MELK: variants seen among roughly 807,000 people sequenced by gnomAD.
The protein encoded by MELK is pEg3 kinase.
Under a neutral mutation model 85.0 loss-of-function variants are expected in MELK, and 81 were observed. The ratio of observed to expected loss-of-function variants is 0.95; its 90% CI spans 0.80 to 1.15. MELK has a LOEUF of 1.15. Ranked by LOEUF, MELK falls within the 50% of genes most tolerant of loss-of-function variation. MELK has a pLI of 0.00. For synonymous variants in MELK, 252 were observed against 265.0 expected (o/e 0.95, Z 0.48); for missense variants, 754 against 777.5 (o/e 0.97, Z 0.36).
intron 8 of MELK, among the ~76,000 whole-genome samples, chr9:36,629,265 G>A (rs901349246): frequency 6.6e-6 from 1 of 152,156 alleles, no homozygotes; most frequent in Non-Finnish European, 1.5e-5. Context: ...TGTTATCTTA[G>A]CATCATTAAA....
chr9:36,630,072 T>C (rs1008010694), intron 8 of MELK: 6 of 457,044 alleles, frequency 1.3e-5, no homozygotes, highest in Non-Finnish European at 2.3e-5. Flanking sequence ...CTTGAACTCC[T>C]GATCTCAGGT....
intron 13 of MELK, among the ~76,000 whole-genome samples, chr9:36,661,013 T>TA (rs1035958351): frequency 2.7e-4 from 41 of 151,842 alleles, no homozygotes; most frequent in African/African-American, 8.7e-4. Flanking sequence ...AAACAAAGAA[T>TA]AAAAAAAGAC....
chr9:36,640,328 T>C (rs1411749093), intron 10 of MELK, among the ~76,000 whole-genome samples: 1 of 152,182 alleles, frequency 6.6e-6, no homozygotes, highest in Admixed American at 6.5e-5. Flanking sequence ...AGATTTGGTG[T>C]TTGATGAGGG....
chr9:36,590,826 A>T (rs1471622969), intron 4 of MELK, among the ~76,000 whole-genome samples: 2 of 152,202 alleles, frequency 1.3e-5, no homozygotes, highest in Non-Finnish European at 2.9e-5. Context: ...CTATAATCCC[A>T]GCACTTTGGG....
intron 11 of MELK, among the ~76,000 whole-genome samples, chr9:36,647,491 T>G (rs1830317431): frequency 1.3e-5 from 2 of 151,014 alleles, no homozygotes; most frequent in Admixed American, 1.3e-4. Context: ...TCTTTCTTTC[T>G]TTCTTTTTTT....
chr9:36,663,487 A>G (rs1030196463), intron 13 of MELK, among the ~76,000 whole-genome samples: 1 of 152,218 alleles, frequency 6.6e-6, no homozygotes, highest in Non-Finnish European at 1.5e-5. Flanking sequence ...TGAATAATGT[A>G]CATCGCACCC....
At chr9:36,619,238 G>T (rs1827165228) in intron 8 of MELK, among the ~76,000 whole-genome samples, 1 of 152,168 alleles carries the variant, frequency 6.6e-6, no homozygotes, top group Admixed American at 6.5e-5. Context: ...GAGATTACAG[G>T]CATGAGCCAC....
chr9:36,584,494 ATT>A (rs1015431561), intron 3 of MELK, among the ~76,000 whole-genome samples: 19 of 88,618 alleles, frequency 2.1e-4, no homozygotes, highest in South Asian at 1.8e-3. Context: ...ATTTTTTTGT[ATT>A]TTTTTTTTTT....
chr9:36,599,423 C>A lies in MELK; in HGVS notation c.504C>A (p.Cys168Ter). The change falls in exon 7 of 18, where the codon TGC becomes TGA. Residue 168 changes from cysteine (C) to a stop codon, truncating the protein, a stop_gained. Transcript: ENST00000298048. LOFTEE classifies it high-confidence loss of function. ...KGNKDYHLQT[C>*]CGSLAYAAPE... is the part of the protein sequence containing the mutation. Reference sequence around the variant, plus strand: ...ACAAGGATTACCATCTACAGACATGCTGTGGGAGTCTGGCTTATGCAGCAC... The same window carrying A: ...ACAAGGATTACCATCTACAGACATGATGTGGGAGTCTGGCTTATGCAGCAC... 1.2e-6 allele frequency: 2 copies of A among 1,612,046 alleles called. No homozygotes were observed. The highest frequency in any genetic ancestry group is 1.7e-6 in the Non-Finnish European group (2 of 1,178,798).
At chr9:36,575,984 G>A (rs886781131) in intron 1 of MELK, among the ~76,000 whole-genome samples, 1 of 152,172 alleles carries the variant, frequency 6.6e-6, no homozygotes, top group East Asian at 1.9e-4. Flanking sequence ...ATTGCCTTTT[G>A]GAATTTCTTA....
chr9:36,601,561 T>C (rs916626993), intron 7 of MELK, among the ~76,000 whole-genome samples: 5 of 152,246 alleles, frequency 3.3e-5, no homozygotes, highest in Admixed American at 6.5e-5. Context: ...ACTTTTTATT[T>C]TTAATTGTGG....
At position 36,677,464 on chromosome 9, in the gene MELK, A is replaced by G; in HGVS notation, c.*127A>G. On this transcript the variant is annotated 3_prime_UTR_variant, in exon 18 of 18. Transcript: ENST00000298048. ...CTTGTTTCTAAAGAGCTATCTTAAGACCAATATCTCTTTGTTTTTAAACAA... is the reference window on the plus strand; with the variant it reads ...CTTGTTTCTAAAGAGCTATCTTAAGGCCAATATCTCTTTGTTTTTAAACAA... 1 of 753,540 alleles carries G rather than the reference A, an allele frequency of 1.3e-6. No homozygotes were observed. The highest frequency in any genetic ancestry group is 2.0e-6 in the Non-Finnish European group (1 of 510,202). 46.7% of individuals were successfully genotyped at this position (753,540 alleles called of 1,614,324 possible).
chr9:36,624,951 G>T lies in MELK; in HGVS notation c.667-5348G>T, dbSNP rs190236439. ...GTGGACAGATGCTGGTATGGGGGAG[G>T]TGATGTGAAGCAGCTAAACCCTCAT... On this transcript the variant is annotated intron_variant, in intron 8 of 17. Transcript: ENST00000298048. Among the ~76,000 whole-genome samples, 27 of 152,246 alleles carry T rather than the reference G, an allele frequency of 1.8e-4. No homozygotes were observed. The East Asian group carries it at 5.2e-3, about 29-fold the overall frequency.
chr9:36,573,344 G>T (rs1048979764), intron 1 of MELK: 1 of 152,194 alleles, frequency 6.6e-6, no homozygotes, highest in African/African-American at 2.4e-5. Flanking sequence ...GAAAAAAGTT[G>T]ACAGAAGGGT....
intron 10 of MELK, among the ~76,000 whole-genome samples, chr9:36,639,535 G>A (rs1482572330): frequency 6.6e-6 from 1 of 152,234 alleles, no homozygotes; most frequent in African/African-American, 2.4e-5. Flanking sequence ...CTGGCGAACA[G>A]GAAATGTAGT....
rs1587319401 is a variant in MELK, at chr9:36,583,449, A to T, written c.59-178A>T. Reference sequence around the variant, plus strand: ...ATTACAAAGTTTGAGATACACTATCATGGTTAAAAAAAAAAAAACCTTCAG... The same window carrying T: ...ATTACAAAGTTTGAGATACACTATCTTGGTTAAAAAAAAAAAAACCTTCAG... On this transcript the variant is annotated intron_variant, in intron 2 of 17. Transcript: ENST00000298048. 1.3e-5 allele frequency among the ~76,000 whole-genome samples: 2 copies of T among 148,286 alleles called. 1 individual carries two copies. The highest frequency in any genetic ancestry group is 1.3e-4 in the Admixed American group (2 of 15,096).
intron 7 of MELK, among the ~76,000 whole-genome samples, chr9:36,605,921 C>T (rs1443456339): frequency 1.3e-5 from 2 of 150,376 alleles, no homozygotes; most frequent in African/African-American, 4.9e-5. Flanking sequence ...CCACTGCACC[C>T]CAGCCTAGGC....
At chr9:36,582,840 G>A (rs992892958) in intron 2 of MELK, among the ~76,000 whole-genome samples, 2 of 152,156 alleles carry the variant, frequency 1.3e-5, no homozygotes, top group Non-Finnish European at 2.9e-5. Flanking sequence ...TTTGTTGAAA[G>A]GAAGAAGACC....
chr9:36,629,011 T>C (rs2483637), intron 8 of MELK, among the ~76,000 whole-genome samples: 34,322 of 151,664 alleles, frequency 0.23, 6,320 homozygotes, highest in African/African-American at 0.51. Flanking sequence ...GGACTACAGG[T>C]GCCCGCCACC....
Sources: allele counts gnomAD v4.1 joint callset (sites outside exome capture counted in the v4.1 genomes callset), GRCh38; gene constraint gnomAD v4.1.1; transcripts MANE v1.5; gene names NCBI Gene and HGNC (gene_info 2026-07-23, HGNC 2026-07-21).